The following KCNJ6 variants were observed in gnomAD, a reference collection of about 807,000 sequenced individuals.
KCNJ6 encodes the protein G protein-activated inward rectifier potassium channel 2.
Under a neutral mutation model 34.2 loss-of-function variants are expected in KCNJ6, and 9 were observed. The observed-to-expected ratio is 0.26, with a 90% CI of 0.16 to 0.46. The LOEUF (loss-of-function observed/expected upper bound fraction) is 0.46, where lower values mean the gene tolerates loss of function less well. Among genes scored for constraint, KCNJ6 ranks in the 20% least tolerant of loss-of-function variants. KCNJ6 has a pLI of 1.00. For synonymous variants in KCNJ6, 196 were observed against 207.1 expected, an observed-to-expected ratio of 0.95 and a Z score of 0.46; for missense variants, 236 against 531.3, an observed-to-expected ratio of 0.44 and a Z score of 5.46.
intron 1 of KCNJ6, among the ~76,000 whole-genome samples, chr21:37,868,603 G>A (rs532600895): frequency 8.0e-4 from 122 of 152,288 alleles, no homozygotes; most frequent in South Asian, 2.5e-3. Context: ...GAAAGGTCCC[G>A]AGGAAGTAGC....
At chr21:37,782,633 A>G (rs1255315352) in intron 2 of KCNJ6, among the ~76,000 whole-genome samples, 1 of 152,070 alleles carries the variant, frequency 6.6e-6, no homozygotes, top group South Asian at 2.1e-4. Flanking sequence ...TTTGCCTCAT[A>G]TTCTAATCTA....
At chr21:37,824,192 T>A (rs575976135) in intron 2 of KCNJ6, among the ~76,000 whole-genome samples, 2 of 152,338 alleles carry the variant, frequency 1.3e-5, no homozygotes, top group East Asian at 3.9e-4. Context: ...AGAGTCAGCC[T>A]GTGTCAGGAC....
chr21:37,797,222 TG>T (rs771865342), intron 2 of KCNJ6, among the ~76,000 whole-genome samples: 3 of 152,118 alleles, frequency 2.0e-5, no homozygotes, highest in Non-Finnish European at 4.4e-5. Context: ...GTCTAGTTTT[TG>T]TCTTTTTAGT....
intron 2 of KCNJ6, 152 bp downstream of exon 2, chr21:37,840,506 T>C: frequency 1.8e-6 from 1 of 569,210 alleles, no homozygotes; most frequent in South Asian, 2.6e-5. Context: ...TAAAGTAACA[T>C]CAACATGATG....
chr21:37,717,292 G>C (rs1416306882), intron 2 of KCNJ6: 2 of 152,832 alleles, frequency 1.3e-5, no homozygotes, highest in Non-Finnish European at 2.9e-5. Context: ...AGGTGTTGAT[G>C]GGGGGCTGTT....
rs1377388643 is a variant in KCNJ6 at position 37,617,307 on chromosome 21, C to T, written c.*7852G>A. The stretch of plus-strand genomic sequence containing the variant: ...GATCTCAGCTTACTGCAACCTCCCC[C>T]TCCCAAGTTTAAGCTATTCTTGTGC... On this transcript the variant is annotated 3_prime_UTR_variant, in exon 4 of 4. Transcript: ENST00000609713. 6.6e-6 allele frequency: 1 copy of T among 151,808 alleles called. No individual in the cohort carries two copies. Among genetic ancestry groups the T allele is most frequent in the African/African-American group, 2.4e-5 (1 of 41,240 alleles). The allele number at this position is 151,808 out of a possible 1,614,324, so 9.4% of individuals were successfully genotyped here. A position where few individuals can be genotyped will look rare whatever the true frequency, so the allele number is the denominator to read the frequency against.
intron 1 of KCNJ6, among the ~76,000 whole-genome samples, chr21:37,865,984 T>C (rs1306560380): frequency 1.3e-5 from 2 of 152,164 alleles, no homozygotes; most frequent in Non-Finnish European, 2.9e-5. Flanking sequence ...AAAAAAATCA[T>C]ATCAGGAAAC....
At chr21:37,785,099 A>G (rs1322726660) in intron 2 of KCNJ6, among the ~76,000 whole-genome samples, 1 of 152,172 alleles carries the variant, frequency 6.6e-6, no homozygotes, top group Non-Finnish European at 1.5e-5. Context: ...ACAACAGCTG[A>G]CAGGAGTGGA....
chr21:37,850,049 GC>G (rs1316470595), intron 1 of KCNJ6, among the ~76,000 whole-genome samples: 1 of 152,170 alleles, frequency 6.6e-6, no homozygotes, highest in Non-Finnish European at 1.5e-5. Flanking sequence ...AAGAATTTCT[GC>G]CCCAGAAAGT....
chr21:37,910,054 T>C (rs1375808931), intron 1 of KCNJ6, among the ~76,000 whole-genome samples: 1 of 152,214 alleles, frequency 6.6e-6, no homozygotes, highest in African/African-American at 2.4e-5. Context: ...CCTTTTCCTC[T>C]GATACTGGGA....
chr21:37,633,539 A>T (rs2054343112), intron 3 of KCNJ6, among the ~76,000 whole-genome samples: 2 of 152,204 alleles, frequency 1.3e-5, no homozygotes, highest in Admixed American at 6.5e-5. Flanking sequence ...TTATTTGCAG[A>T]TAATATAACT....
At position 37,610,420 on chromosome 21, in the gene KCNJ6, G is replaced by GAAACC. The variant is rs958498184; in HGVS notation, c.*14734_*14738dup. The GAAACC allele has an allele frequency of 1.3e-5, 2 of 151,964 alleles. No homozygotes were observed. Among genetic ancestry groups the GAAACC allele is most frequent in the African/African-American group, 4.8e-5 (2 of 41,388 alleles). The allele number at this position is 151,964 out of a possible 1,614,324, so 9.4% of individuals were successfully genotyped here. On this transcript the variant is annotated 3_prime_UTR_variant, in exon 4 of 4. Transcript: ENST00000609713. Reference sequence around the variant, plus strand: ...TCAAGACCAGCCTGGCCAACATGCTGAAACCCCATCTCTATTAAAAATACA... The same window carrying GAAACC: ...TCAAGACCAGCCTGGCCAACATGCTGAAACCAAACCCCATCTCTATTAAAAATACA...
intron 1 of KCNJ6, among the ~76,000 whole-genome samples, chr21:37,859,597 A>G (rs2055584780): frequency 6.9e-6 from 1 of 145,768 alleles, no homozygotes; most frequent in Non-Finnish European, 1.5e-5. Context: ...CCAGTTTTTC[A>G]TTCCAGGGCT....
rs145586613 is a variant in KCNJ6 at position 37,658,606 on chromosome 21, T to C, written c.947-33122A>G. Among the ~76,000 whole-genome samples, 1,227 of 152,142 alleles carry C rather than the reference T, an allele frequency of 8.1e-3. 11 individuals carry two copies. Among genetic ancestry groups the C allele is most frequent in the Non-Finnish European group, 0.012 (788 of 67,992 alleles). Reference sequence around the variant, plus strand: ...CTGCAGAATAGATGAAAAGAGAAAATATACCCAGATACTTTGCTCACTCTC... The same window carrying C: ...CTGCAGAATAGATGAAAAGAGAAAACATACCCAGATACTTTGCTCACTCTC... On this transcript the variant is annotated intron_variant, in intron 3 of 3. Coordinates refer to ENST00000609713, the MANE Select transcript of KCNJ6 (RefSeq NM_002240.5).
chr21:37,660,560 T>G (rs1215396114), intron 3 of KCNJ6, among the ~76,000 whole-genome samples: 8 of 152,212 alleles, frequency 5.3e-5, no homozygotes, highest in Admixed American at 5.2e-4. Flanking sequence ...GAATGCATTG[T>G]TCCCATAAGG....
At position 37,714,086 on chromosome 21, in the gene KCNJ6, G is replaced by A. The variant is rs2054777141; in HGVS notation, c.946+125C>T. 4.1e-6 allele frequency: 3 copies of A among 730,580 alleles called. No individual in the cohort carries two copies. Among genetic ancestry groups the A allele is most frequent in the African/African-American group, 1.8e-5 (1 of 56,920 alleles). The allele number at this position is 730,580 out of a possible 1,614,324, so 45.3% of individuals were successfully genotyped here. A position where few individuals can be genotyped will look rare whatever the true frequency, so the allele number is the denominator to read the frequency against. On this transcript the variant is annotated intron_variant, in intron 3 of 3. Coordinates refer to ENST00000609713, the MANE Select transcript of KCNJ6 (RefSeq NM_002240.5). This position sits in a 1 kb window ranked among gnomAD's most constrained non-coding sequence, Gnocchi z 5.9. ...ACATGTAGGCATACTATGTCATGAAGCAAGGGGATGTTGTCAATATTGAGT... is the reference window on the plus strand; with the variant it reads ...ACATGTAGGCATACTATGTCATGAAACAAGGGGATGTTGTCAATATTGAGT...
At chr21:37,796,798 T>TC (rs2055245081) in intron 2 of KCNJ6, among the ~76,000 whole-genome samples, 1 of 136,956 alleles carries the variant, frequency 7.3e-6, no homozygotes, top group East Asian at 2.1e-4. Flanking sequence ...TTTTTTTTTT[T>TC]TTTTTTGAGA....
intron 1 of KCNJ6, among the ~76,000 whole-genome samples, chr21:37,846,433 G>T (rs2055508476): frequency 6.6e-6 from 1 of 151,066 alleles, no homozygotes; most frequent in African/African-American, 2.4e-5. Flanking sequence ...GGGAAGAGGA[G>T]ATTGATTCAT....
At position 37,623,697 on chromosome 21, in the gene KCNJ6, T is replaced by G. The variant is rs1323294083; in HGVS notation, c.*1462A>C. 6.6e-6 allele frequency: 1 copy of G among 152,214 alleles called. No individual in the cohort carries two copies. The highest frequency in any genetic ancestry group is 2.4e-5 in the African/African-American group (1 of 41,444). 9.4% of individuals were successfully genotyped at this position (152,214 alleles called of 1,614,324 possible). A position where few individuals can be genotyped will look rare whatever the true frequency, so the allele number is the denominator to read the frequency against. ...GCTGGAATTTTTTTATTTGTTTTCT[T>G]TTGATTGACAGACACTGGATTTGAT... is the stretch of plus-strand genomic sequence containing the variant. On this transcript the variant is annotated 3_prime_UTR_variant, in exon 4 of 4. Coordinates refer to ENST00000609713, the MANE Select transcript of KCNJ6 (RefSeq NM_002240.5).
Sources: allele counts gnomAD v4.1 joint callset (sites outside exome capture counted in the v4.1 genomes callset), GRCh38; gene constraint gnomAD v4.1.1; non-coding constraint Gnocchi (gnomAD v3.1); transcripts MANE v1.5; gene names NCBI Gene and HGNC (gene_info 2026-07-23, HGNC 2026-07-21).